Variants in OR6K3 observed in about 807,000 individuals in gnomAD.
OR6K3 encodes the protein olfactory receptor 6K3.
For synonymous variants in OR6K3, 169 were observed against 137.7 expected (o/e 1.23, Z -1.59); for missense variants, 396 against 382.5 (o/e 1.04, Z -0.29).
upstream of OR6K3, among the ~76,000 whole-genome samples, chr1:158,723,514 T>G (rs886679010): frequency 2.0e-5 from 3 of 152,062 alleles, no homozygotes; most frequent in African/African-American, 7.2e-5. Context: ...TTGCAAATGA[T>G]ATTAACAGAT....
rs1006761042 is a variant in OR6K3, at chr1:158,716,341, C to A, written c.*827G>T. The A allele has an allele frequency of 1.3e-5, 2 of 151,990 alleles. No individual in the cohort carries two copies. Among genetic ancestry groups the A allele is most frequent in the African/African-American group, 4.8e-5 (2 of 41,408 alleles). The allele number at this position is 151,990 out of a possible 1,614,324, so 9.4% of individuals were successfully genotyped here. A position where few individuals can be genotyped will look rare whatever the true frequency, so the allele number is the denominator to read the frequency against. On this transcript the variant is annotated 3_prime_UTR_variant, in exon 2 of 2. Coordinates refer to ENST00000368145, the MANE Select transcript of OR6K3 (RefSeq NM_001005327.3). ...AAACATGTGTGGCAGTACTAATAAT[C>A]TAATCTTACTAAACATGTAATTATT...
In OR6K3 at chr1:158,717,746, C is replaced by A. The variant is rs773825307; in HGVS notation, c.370G>T (p.Val124Phe). The A allele has an allele frequency of 8.7e-6, 14 of 1,613,744 alleles. No individual in the cohort carries two copies. Among genetic ancestry groups the A allele is most frequent in the Non-Finnish European group, 1.2e-5 (14 of 1,179,814 alleles). The change falls in exon 2 of 2, where the codon GTT (valine) becomes TTT (phenylalanine). Residue 124 changes from valine (V) to phenylalanine (F), a missense_variant. Val to Phe is a conservative substitution (Grantham distance 50, BLOSUM62 -1). Coordinates refer to ENST00000368145, the MANE Select transcript of OR6K3 (RefSeq NM_001005327.3). ...LLTTMAIDRYVAICNPLRYQM... is the reference protein window; with the variant it reads ...LLTTMAIDRYFAICNPLRYQM... Reference sequence around the variant, plus strand: ...TAGCGAAGAGGGTTGCAGATGGCAACGTATCTGTCAATGGCCATGGTGGTC... The same window carrying A: ...TAGCGAAGAGGGTTGCAGATGGCAAAGTATCTGTCAATGGCCATGGTGGTC...
upstream of OR6K3, chr1:158,724,124 ATAAAT>A (rs1656338285): frequency 6.6e-6 from 1 of 152,544 alleles, no homozygotes; most frequent in African/African-American, 2.4e-5. Context: ...TAATCTACAG[ATAAAT>A]TAACCATCTT....
chr1:158,717,049 T>C lies in OR6K3; in HGVS notation c.*119A>G, dbSNP rs191573261. 2.0e-3 allele frequency: 1,432 copies of C among 709,090 alleles called. 19 individuals are homozygous for C. In the African/African-American group the frequency reaches 0.023, roughly 12 times the overall value. 43.9% of individuals were successfully genotyped at this position (709,090 alleles called of 1,614,324 possible). On this transcript the variant is annotated 3_prime_UTR_variant, in exon 2 of 2. Coordinates refer to ENST00000368145, the MANE Select transcript of OR6K3 (RefSeq NM_001005327.3). ...AGGAGAATTGTTCAAAACCAGGAGG[T>C]GGAGGTTGCAGTGAGCCAAGATCAT...
chr1:158,721,834 A>C (rs780286502), upstream of OR6K3, among the ~76,000 whole-genome samples: 1 of 151,940 alleles, frequency 6.6e-6, no homozygotes, highest in Non-Finnish European at 1.5e-5. Context: ...CATATCTTCC[A>C]GGCAATCTTA....
At chr1:158,719,372 TA>T (rs1656240720) in intron 1 of OR6K3, among the ~76,000 whole-genome samples, 1 of 151,944 alleles carries the variant, frequency 6.6e-6, no homozygotes, top group Non-Finnish European at 1.5e-5. Context: ...TTTAAACTAT[TA>T]ATACTTCTAA....
At chr1:158,719,450 T>C (rs1470700624) in intron 1 of OR6K3, among the ~76,000 whole-genome samples, 2 of 152,032 alleles carry the variant, frequency 1.3e-5, no homozygotes, top group Non-Finnish European at 2.9e-5. Flanking sequence ...TAACTCTCTG[T>C]AGCTTCACCT....
chr1:158,721,398 C>G (rs914880205), upstream of OR6K3, among the ~76,000 whole-genome samples: 1 of 152,014 alleles, frequency 6.6e-6, no homozygotes, highest in Admixed American at 6.6e-5. Context: ...TTGCAAAGTT[C>G]TCATTTTTTT....
upstream of OR6K3, among the ~76,000 whole-genome samples, chr1:158,722,698 G>GTTT (rs1656309633): frequency 6.6e-6 from 1 of 152,010 alleles, no homozygotes. Flanking sequence ...CTGAGGAAGT[G>GTTT]TTTTAACTTT....
At position 158,717,179 on chromosome 1, in the gene OR6K3, G is replaced by A. The variant is rs370459504; in HGVS notation, c.937C>T (p.Pro313Ser). 1 of 1,607,910 alleles carries A rather than the reference G, an allele frequency of 6.2e-7. No individual in the cohort carries two copies. The highest frequency in any genetic ancestry group is 8.5e-7 in the Non-Finnish European group (1 of 1,175,850). Reference sequence around the variant, plus strand: ...CCTGTGGCTCTGTATTAACCTCCAGGCTTGTTCAACACTTTTTGAAGACAG... The same window carrying A: ...CCTGTGGCTCTGTATTAACCTCCAGACTTGTTCAACACTTTTTGAAGACAG... ...LFCLQKVLNK[P>S]GG Residue 313 changes from proline to serine, a missense_variant, in exon 2 of 2, where the codon CCT becomes TCT. Transcript: ENST00000368145.
upstream of OR6K3, among the ~76,000 whole-genome samples, chr1:158,723,275 A>C (rs2101987983): frequency 6.9e-6 from 1 of 144,376 alleles, no homozygotes; most frequent in South Asian, 2.2e-4. Context: ...AATGTGCTGG[A>C]GACTACTTTT....
At chr1:158,721,281 T>G (rs1457824094), upstream of OR6K3, among the ~76,000 whole-genome samples, 1 of 152,032 alleles carries the variant, frequency 6.6e-6, no homozygotes, top group African/African-American at 2.4e-5. Flanking sequence ...TTTCCTACCT[T>G]GAACAACTCA....
In OR6K3 at chr1:158,720,678, C is replaced by G. The variant is rs1260652207; in HGVS notation, c.-18+5G>C. 4 of 152,002 alleles carry G rather than the reference C, an allele frequency of 2.6e-5. No homozygotes were observed. The highest frequency in any genetic ancestry group is 5.9e-5 in the Non-Finnish European group (4 of 67,962). The allele number at this position is 152,002 out of a possible 1,614,324, so 9.4% of individuals were successfully genotyped here. A position where few individuals can be genotyped will look rare whatever the true frequency, so the allele number is the denominator to read the frequency against. On this transcript the variant is annotated splice_donor_5th_base_variant and intron_variant, in intron 1 of 1. Coordinates refer to ENST00000368145, the MANE Select transcript of OR6K3 (RefSeq NM_001005327.3). ...TCTCTTTATGACTTAGTCATCTACACTCACCTTTGCCAAAAACACAGGGAC... is the reference window on the plus strand; with the variant it reads ...TCTCTTTATGACTTAGTCATCTACAGTCACCTTTGCCAAAAACACAGGGAC...
intron 1 of OR6K3, 157 bp from the exon 2 acceptor site, chr1:158,718,289 A>G: frequency 2.1e-6 from 1 of 485,654 alleles, no homozygotes; most frequent in East Asian, 3.2e-5. Flanking sequence ...CCAATGTTTG[A>G]TTTTTTTCAT....
At chr1:158,721,079 T>C (rs774136318), upstream of OR6K3, among the ~76,000 whole-genome samples, 4 of 152,014 alleles carry the variant, frequency 2.6e-5, no homozygotes, top group Admixed American at 2.0e-4. Flanking sequence ...CTGGCCTTCT[T>C]ATATGAACAC....
Position 158,717,635 on chromosome 1 carries a change from CA to C in OR6K3, c.480del (p.Ile160MetfsTer2), listed in dbSNP as rs772043120. 1.9e-6 allele frequency: 3 copies of C among 1,613,682 alleles called. No homozygotes were observed. The highest frequency in any genetic ancestry group is 2.7e-5 in the African/African-American group (2 of 74,890). ...LFGFLILLPE[I>X]VMISTLPFCG... Reference sequence around the variant, plus strand: ...CAGAAAGGCAGTGTGGAAATCATCACAATCTCGGGAAGCAGGATAAGGAAAC... The same window carrying C: ...CAGAAAGGCAGTGTGGAAATCATCACATCTCGGGAAGCAGGATAAGGAAAC... On this transcript the variant is annotated frameshift_variant, in exon 2 of 2. Coordinates refer to ENST00000368145, the MANE Select transcript of OR6K3 (RefSeq NM_001005327.3). LOFTEE classifies it low-confidence loss of function (END_TRUNC).
In OR6K3 at chr1:158,717,875, T is replaced by A. The variant is rs756248287; in HGVS notation, c.241A>T (p.Met81Leu). ...IWYTTATIPK[M>L]LSNLISEKKA... ...TTTTCACTGATGAGGTTGGAGAGCA[T>A]CTTGGGAATGGTGGCTGTGGTGTAC... The change falls in exon 2 of 2, where the codon ATG (methionine) becomes TTG (leucine). Residue 81 changes from methionine to leucine, a missense_variant. Physicochemically the swap from Met to Leu is conservative, Grantham distance 15. Transcript: ENST00000368145. The A allele has an allele frequency of 6.2e-7, 1 of 1,613,710 alleles. No homozygotes were observed. Among genetic ancestry groups the A allele is most frequent in the Non-Finnish European group, 8.5e-7 (1 of 1,179,758 alleles).
chr1:158,719,770 A>G (rs1656247921), intron 1 of OR6K3, among the ~76,000 whole-genome samples: 1 of 152,126 alleles, frequency 6.6e-6, no homozygotes, highest in Non-Finnish European at 1.5e-5. Flanking sequence ...ATACTGGTTA[A>G]TGAAGTCCTG....
rs73030055 is a variant in OR6K3 at position 158,717,661 on chromosome 1, C to T, written c.455G>A (p.Gly152Asp). The T allele has an allele frequency of 4.3e-3, 6,916 of 1,613,702 alleles. 257 individuals are homozygous for T. The African/African-American group carries it at 0.078, about 18-fold the overall frequency. ...AATCTCGGGAAGCAGGATAAGGAAA[C>T]CGAAGAGGCAGGAACCTGCAGAGAG... ...AQLSAGSCLF[G>D]FLILLPEIVM... The change falls in exon 2 of 2, where the codon GGT becomes GAT. Residue 152 changes from glycine (G) to aspartate (D), a missense_variant. Physicochemically the swap from Gly to Asp is moderately conservative, Grantham distance 94. Coordinates refer to ENST00000368145, the MANE Select transcript of OR6K3 (RefSeq NM_001005327.3).
Sources: gnomAD v4.1 joint callset for allele counts (sites outside exome capture counted in the v4.1 genomes callset) on GRCh38, gnomAD v4.1.1 for gene constraint, MANE v1.5 for transcripts, NCBI Gene and HGNC (gene_info 2026-07-23, HGNC 2026-07-21) for gene names.